TUBGCP6: variants seen among roughly 807,000 people sequenced by gnomAD.
TUBGCP6 encodes gamma-tubulin complex component 6.
In TUBGCP6, 161 loss-of-function variants were observed where a neutral mutation model predicts 175.8. The ratio of observed to expected loss-of-function variants is 0.92; its 90% CI spans 0.81 to 1.04. The LOEUF is 1.04. Among genes scored for constraint, TUBGCP6 ranks in the 50% least tolerant of loss-of-function variants. The pLI, the probability that TUBGCP6 is intolerant of heterozygous loss-of-function variation, is 0.00. For missense variants in TUBGCP6, 2,572 were observed against 2,433.0 expected, an observed-to-expected ratio of 1.06 and a Z score of -1.20; for synonymous variants, 1,173 against 1,030.5, an observed-to-expected ratio of 1.14 and a Z score of -2.65.
intron 4 of TUBGCP6, among the ~76,000 whole-genome samples, chr22:50,228,588 C>G (rs1385833192): frequency 6.6e-6 from 1 of 152,128 alleles, no homozygotes; most frequent in Non-Finnish European, 1.5e-5. Context: ...GCTATGCCTG[C>G]CAGATGAACA....
rs1281883046 is a variant in TUBGCP6 at position 50,240,355 on chromosome 22, C to A, written c.754G>T (p.Val252Leu). 6.2e-7 allele frequency: 1 copy of A among 1,611,662 alleles called. No individual in the cohort carries two copies. The highest frequency in any genetic ancestry group is 8.5e-7 in the Non-Finnish European group (1 of 1,179,140). The change falls in exon 2 of 25, where the codon GTG (valine) becomes TTG (leucine). Residue 252 changes from valine (V) to leucine (L), a missense_variant. Coordinates refer to ENST00000248846, the MANE Select transcript of TUBGCP6 (RefSeq NM_020461.4). ...AATCCTTCGTCTTCCCACTGATCCA[C>A]ACTCGGTGGGACCTGGAGACACAGG... The part of the protein sequence containing the change: ...SGLAIKVPPS[V>L]DQWEDEGFQS...
Position 50,219,648 on chromosome 22 carries a change from G to A in TUBGCP6, c.4311C>T (p.Ser1437=), listed in dbSNP as rs1042224773. 2 of 1,613,344 alleles carry A rather than the reference G, an allele frequency of 1.2e-6. No homozygotes were observed. Among genetic ancestry groups the A allele is most frequent in the Non-Finnish European group, 1.7e-6 (2 of 1,179,714 alleles). Residue 1437 remains serine (S), a synonymous_variant, in exon 18 of 25, where the codon TCC becomes TCT. Coordinates refer to ENST00000248846, the MANE Select transcript of TUBGCP6 (RefSeq NM_020461.4). ...AACAGCAACTGCTGCACTCACACATGGACTCGTAACTGTCCGGGTACCGCT... is the reference window on the plus strand; with the variant it reads ...AACAGCAACTGCTGCACTCACACATAGACTCGTAACTGTCCGGGTACCGCT... ...HLERYPDSYE[S]MSEPPIAHLL...
In TUBGCP6 at chr22:50,222,060, GCT is replaced by G. The variant is rs1438489602; in HGVS notation, c.2450_2451del (p.Glu817AlafsTer18). The G allele has an allele frequency of 6.2e-7, 1 of 1,613,844 alleles. No individual in the cohort carries two copies. The highest frequency in any genetic ancestry group is 1.7e-5 in the Admixed American group (1 of 60,016). On this transcript the variant is annotated frameshift_variant, in exon 15 of 25. Coordinates refer to ENST00000248846, the MANE Select transcript of TUBGCP6 (RefSeq NM_020461.4). LOFTEE classifies it high-confidence loss of function. Reference protein sequence around the residue: ...KAVSEAHQPQEPPDVLLSVHP... With the variant: ...KAVSEAHQPQXPPDVLLSVHP... ...TGCACGCTCAAGAGGACGTCTGGCGGCTCCTGGGGCTGGTGAGCCTCAGACAC... is the reference window on the plus strand; with the variant it reads ...TGCACGCTCAAGAGGACGTCTGGCGGCCTGGGGCTGGTGAGCCTCAGACAC...
intron 4 of TUBGCP6, among the ~76,000 whole-genome samples, chr22:50,228,719 C>A (rs961097061): frequency 6.6e-6 from 1 of 152,102 alleles, no homozygotes; most frequent in Non-Finnish European, 1.5e-5. Context: ...CGTGCAGCTC[C>A]CACCATGCCC....
rs375182728 is a variant in TUBGCP6 at position 50,219,474 on chromosome 22, C to T, written c.4316-18G>A. The T allele has an allele frequency of 6.5e-5, 103 of 1,590,248 alleles. No individual in the cohort carries two copies. The highest frequency in any genetic ancestry group is 1.8e-4 in the East Asian group (8 of 43,376). On this transcript the variant is annotated intron_variant, in intron 18 of 24. Transcript: ENST00000248846. ...CGGCTCGGCTGCGGGAGATGGAGCACGCACGTGCTGGGAACCGGCCAGCCC... is the reference window on the plus strand; with the variant it reads ...CGGCTCGGCTGCGGGAGATGGAGCATGCACGTGCTGGGAACCGGCCAGCCC...
chr22:50,239,767 A>G (rs2064817668), intron 2 of TUBGCP6, among the ~76,000 whole-genome samples: 1 of 152,234 alleles, frequency 6.6e-6, no homozygotes, highest in African/African-American at 2.4e-5. Flanking sequence ...CTCCTTCATC[A>G]GCACCCCATG....
chr22:50,244,280 G>T lies in TUBGCP6; in HGVS notation c.180C>A (p.Asp60Glu), dbSNP rs938210544. 1 of 1,613,646 alleles carries T rather than the reference G, an allele frequency of 6.2e-7. No homozygotes were observed. The highest frequency in any genetic ancestry group is 8.5e-7 in the Non-Finnish European group (1 of 1,180,042). The change falls in exon 1 of 25, where the codon GAC (aspartate) becomes GAA (glutamate). Residue 60 changes from aspartate (D) to glutamate (E), a missense_variant. Coordinates refer to ENST00000248846, the MANE Select transcript of TUBGCP6 (RefSeq NM_020461.4). ...FQDETQQLQP[D>E]MSKLPARNKI... ...TGTTTCTCGCTGGTAGTTTTGACAT[G>T]TCAGGCTGCAGCTGTTGAGTCTCAT...
At position 50,217,949 on chromosome 22, in the gene TUBGCP6, G is replaced by A. The variant is rs772441362; in HGVS notation, c.5337C>T (p.Thr1779=). Residue 1779 remains threonine (T), a synonymous_variant, in exon 24 of 25, where the codon ACC becomes ACT. Coordinates refer to ENST00000248846, the MANE Select transcript of TUBGCP6 (RefSeq NM_020461.4). ...NFALMQQSYN[T]FKYYSHFLFK... is the part of the protein sequence containing the mutation. ...AGAGAAAGTGGGAGTAGTACTTGAAGGTGTTGTAGGACTGCTGCATGAGTG... is the reference window on the plus strand; with the variant it reads ...AGAGAAAGTGGGAGTAGTACTTGAAAGTGTTGTAGGACTGCTGCATGAGTG... 8 of 1,609,122 alleles carry A rather than the reference G, an allele frequency of 5.0e-6. No individual in the cohort carries two copies. The Admixed American group carries it at 6.7e-5, about 14-fold the overall frequency.
rs371704034 is a variant in TUBGCP6 at position 50,224,406 on chromosome 22, C to G, written c.2080G>C (p.Glu694Gln). Residue 694 changes from glutamate to glutamine, a missense_variant, in exon 12 of 25, where the codon GAA (glutamate) becomes CAA (glutamine). Physicochemically the swap from Glu to Gln is conservative, Grantham distance 29. Coordinates refer to ENST00000248846, the MANE Select transcript of TUBGCP6 (RefSeq NM_020461.4). Reference sequence around the variant, plus strand: ...TTCCGGGCATCCAAGGCCATCCGTTCTGACATCTGCCGGTCTACATTGGGA... The same window carrying G: ...TTCCGGGCATCCAAGGCCATCCGTTGTGACATCTGCCGGTCTACATTGGGA... ...LSALSDRQMS[E>Q]RMALDARKRE... 119 of 1,614,072 alleles carry G rather than the reference C, an allele frequency of 7.4e-5. No individual in the cohort carries two copies. Among genetic ancestry groups the G allele is most frequent in the Non-Finnish European group, 9.9e-5 (117 of 1,180,042 alleles).
chr22:50,218,115 C>G lies in TUBGCP6; in HGVS notation c.5171G>C (p.Gly1724Ala). 6.2e-7 allele frequency: 1 copy of G among 1,612,030 alleles called. No homozygotes were observed. The change falls in exon 24 of 25, where the codon GGC (glycine) becomes GCC (alanine). Residue 1724 changes from glycine (G) to alanine (A), a missense_variant and splice_region_variant. By Grantham distance (60) the Gly-to-Ala change is moderately conservative (BLOSUM62 0). Transcript: ENST00000248846. ...AEYLHKAVFR[G>A]LLTEKAAPVM... is the part of the protein sequence containing the mutation. ...GGGCGCCGCCTTCTCCGTGAGCAGG[C>G]CCCTGGGGGGAAGCAGTGCTGCTGG...
At position 50,220,054 on chromosome 22, in the gene TUBGCP6, A is replaced by G. The variant is rs778321395; in HGVS notation, c.4109-39T>C. 3 of 1,607,728 alleles carry G rather than the reference A, an allele frequency of 1.9e-6. No homozygotes were observed. The South Asian group carries it at 3.3e-5, about 18-fold the overall frequency. On this transcript the variant is annotated intron_variant, in intron 16 of 24. Transcript: ENST00000248846. ...AGTGGACACGAGGGCATCAGGGCCG[A>G]GTGCCTGTGGCGGGTACAGAGCCGA...
intron 3 of TUBGCP6, among the ~76,000 whole-genome samples, chr22:50,232,279 T>A (rs937219107): frequency 6.6e-6 from 1 of 151,408 alleles, no homozygotes. Context: ...GGCAGGAGAA[T>A]TGCTTGAACC....
chr22:50,242,579 G>A (rs2064853392), intron 1 of TUBGCP6, among the ~76,000 whole-genome samples: 1 of 152,206 alleles, frequency 6.6e-6, no homozygotes, highest in Non-Finnish European at 1.5e-5. Context: ...TATCGCATAA[G>A]AATAGAACGA....
In TUBGCP6 at chr22:50,244,490, T is replaced by C. The variant is rs369816470; in HGVS notation, c.-31A>G. 2 of 1,581,402 alleles carry C rather than the reference T, an allele frequency of 1.3e-6. No individual in the cohort carries two copies. Among genetic ancestry groups the C allele is most frequent in the Non-Finnish European group, 8.6e-7 (1 of 1,165,226 alleles). On this transcript the variant is annotated 5_prime_UTR_variant, in exon 1 of 25. Transcript: ENST00000248846. ...TTCTCAGCTCCGGGCCCCCGGCGTG[T>C]GGGAAAACACCTCACCCGGGCTTCA...
chr22:50,229,120 G>A (rs1012079160), intron 4 of TUBGCP6, among the ~76,000 whole-genome samples: 12 of 152,076 alleles, frequency 7.9e-5, no homozygotes, highest in African/African-American at 2.2e-4. Flanking sequence ...CCCCACTCAC[G>A]CCTTTCCTGC....
chr22:50,238,915 C>T (rs2064808351), intron 2 of TUBGCP6, among the ~76,000 whole-genome samples: 1 of 152,126 alleles, frequency 6.6e-6, no homozygotes. Context: ...AGGATAAAGC[C>T]ACCACCACCG....
rs1172898025 is a variant in TUBGCP6, at chr22:50,218,624, C to A, written c.4822-4G>T. On this transcript the variant is annotated splice_region_variant and splice_polypyrimidine_tract_variant and intron_variant, in intron 21 of 24. Transcript: ENST00000248846. ...CAATGTTGAGAGGCCAGTCCACCTGCCAGGAGGCGTGGCTCAGCAGGCATC... is the reference window on the plus strand; with the variant it reads ...CAATGTTGAGAGGCCAGTCCACCTGACAGGAGGCGTGGCTCAGCAGGCATC... 1 of 1,613,648 alleles carries A rather than the reference C, an allele frequency of 6.2e-7. No homozygotes were observed. Among genetic ancestry groups the A allele is most frequent in the South Asian group, 1.1e-5 (1 of 91,088 alleles).
At position 50,225,777 on chromosome 22, in the gene TUBGCP6, C is replaced by G; in HGVS notation, c.1983+17G>C. 1.2e-6 allele frequency: 2 copies of G among 1,605,228 alleles called. No homozygotes were observed. The highest frequency in any genetic ancestry group is 1.7e-6 in the Non-Finnish European group (2 of 1,174,500). On this transcript the variant is annotated intron_variant, in intron 10 of 24. Transcript: ENST00000248846. ...GCAGGGGCGAAGAAAGCCCCCGAGA[C>G]CTGTGGTGCCACGCACCTTCTCCTC...
rs772384871 is a variant in TUBGCP6 at position 50,218,613 on chromosome 22, C to T, written c.4829G>A (p.Trp1610Ter). ...CTCGGTGATGACAATGTTGAGAGGC[C>T]AGTCCACCTGCCAGGAGGCGTGGCT... ...SCLELRYKVDWPLNIVITEGC... is the reference protein window; with the variant it reads ...SCLELRYKVD Residue 1610 changes from tryptophan (W) to a stop codon, truncating the protein, a stop_gained, in exon 22 of 25, where the codon TGG becomes TAG. Coordinates refer to ENST00000248846, the MANE Select transcript of TUBGCP6 (RefSeq NM_020461.4). LOFTEE classifies it high-confidence loss of function. 5 of 1,613,626 alleles carry T rather than the reference C, an allele frequency of 3.1e-6. No homozygotes were observed. The highest frequency in any genetic ancestry group is 2.5e-6 in the Non-Finnish European group (3 of 1,179,832).
Sources: allele counts gnomAD v4.1 joint callset (sites outside exome capture counted in the v4.1 genomes callset), GRCh38; gene constraint gnomAD v4.1.1; transcripts MANE v1.5; gene names NCBI Gene and HGNC (gene_info 2026-07-23, HGNC 2026-07-21).